SETX: variants seen among roughly 807,000 people sequenced by gnomAD.
The protein encoded by SETX is senataxin, also known as helicase senataxin.
SETX carries 90 observed loss-of-function variants against 227.2 expected under a neutral mutation model. That is an observed-to-expected ratio of 0.40 (90% CI 0.33 to 0.47). The LOEUF (loss-of-function observed/expected upper bound fraction) is 0.47, where lower values mean the gene tolerates loss of function less well. Among genes scored for constraint, SETX ranks in the 20% least tolerant of loss-of-function variants. SETX has a pLI of 0.91. For missense variants in SETX, 3,052 were observed against 3,181.5 expected (o/e 0.96, Z 0.98); for synonymous variants, 1,210 against 1,113.2 (o/e 1.09, Z -1.73).
Position 132,330,022 on chromosome 9 carries a change from T to C in SETX, c.1576A>G (p.Met526Val), listed in dbSNP as rs762013471. The C allele has an allele frequency of 1.2e-6, 2 of 1,614,232 alleles. No individual in the cohort carries two copies. The highest frequency in any genetic ancestry group is 2.2e-5 in the East Asian group (1 of 44,892). ...AMISSLSLHS[M>V]PSNSVQLAYV... The stretch of plus-strand genomic sequence containing the variant: ...GCAAGTTGTACAGAGTTAGATGGCA[T>C]GGAATGCAATGACAGTGAAGATATC... Residue 526 changes from methionine (M) to valine (V), a missense_variant, in exon 10 of 26, where the codon ATG becomes GTG. Met to Val is a conservative substitution (Grantham distance 21). Around this residue, in one of 10 missense-constraint regions of SETX, gnomAD observed 179 missense variants for 197.1 expected, o/e 0.91. Coordinates refer to ENST00000224140, the MANE Select transcript of SETX (RefSeq NM_015046.7).
At position 132,296,935 on chromosome 9, in the gene SETX, T is replaced by G. The variant is rs780717865; in HGVS notation, c.5901A>C (p.Thr1967=). Residue 1967 remains threonine (T), a synonymous_variant, in exon 14 of 26, where the codon ACA becomes ACC. Coordinates refer to ENST00000224140, the MANE Select transcript of SETX (RefSeq NM_015046.7). ...GGCCAACAATAGTTTTTGATTTTCC[T>G]GTTCCAGGTGGTCCATGAATCAAGC... The part of the protein sequence containing the change: ...KICLIHGPPG[T]GKSKTIVGLL... 3.1e-6 allele frequency: 5 copies of G among 1,614,202 alleles called. No homozygotes were observed. In the South Asian group the frequency reaches 5.5e-5, roughly 18 times the overall value.
Position 132,312,493 on chromosome 9 carries a change from A to C in SETX, c.5275-637T>G, listed in dbSNP as rs573703781. ...CAAATATATTACCTTTTGGGCCCTA[A>C]GGAGGGTTTTGTCTAAATGTAACAG... On this transcript the variant is annotated intron_variant, in intron 10 of 25. Coordinates refer to ENST00000224140, the MANE Select transcript of SETX (RefSeq NM_015046.7). Among the ~76,000 whole-genome samples the C allele has an allele frequency of 6.6e-5, 10 of 152,348 alleles. No individual in the cohort carries two copies. In the South Asian group the frequency reaches 1.4e-3, roughly 22 times the overall value.
intron 6 of SETX, among the ~76,000 whole-genome samples, chr9:132,335,955 T>G (rs780370503): frequency 2.6e-5 from 4 of 152,128 alleles, no homozygotes; most frequent in Non-Finnish European, 5.9e-5. Context: ...TCATAGGAAC[T>G]ACAGGGCCGG....
intron 3 of SETX, among the ~76,000 whole-genome samples, chr9:132,348,067 A>C (rs1848388581): frequency 6.6e-6 from 1 of 151,856 alleles, no homozygotes; most frequent in Non-Finnish European, 1.5e-5. Flanking sequence ...AATTAAAAAA[A>C]AAAAACCCTG....
chr9:132,267,298 T>C (rs901261851), intron 25 of SETX, among the ~76,000 whole-genome samples: 2 of 152,206 alleles, frequency 1.3e-5, no homozygotes, highest in African/African-American at 4.8e-5. Context: ...GGGGGCTCAG[T>C]TCTCTTTCTC....
At chr9:132,349,175 A>G in intron 3 of SETX, 77 bp downstream of exon 3, 5 of 1,353,128 alleles carry the variant, frequency 3.7e-6, no homozygotes, top group Non-Finnish European at 5.3e-6. Flanking sequence ...TTCTCTGAAT[A>G]CTTCCAACGG....
rs1408316133 is a variant in SETX, at chr9:132,342,752, A to G, written c.436T>C (p.Ser146Pro). The G allele has an allele frequency of 9.9e-6, 16 of 1,614,130 alleles. No homozygotes were observed. The highest frequency in any genetic ancestry group is 1.3e-5 in the Non-Finnish European group (15 of 1,180,016). ...ALCRMEQANC[S>P]FQVFDKHPGI... ...GGATGTTTATCAAACACCTGAAAGG[A>G]GCAATTGGCTTGTTCCATCCGACAA... The change falls in exon 5 of 26, where the codon TCC becomes CCC. Residue 146 changes from serine to proline, a missense_variant. By Grantham distance (74) the Ser-to-Pro change is moderately conservative (BLOSUM62 -1). This residue lies in a region of SETX where 10 missense variants were observed against 31.4 expected (regional missense o/e 0.32). Transcript: ENST00000224140.
intron 3 of SETX, 87 bp from the exon 4 acceptor site, chr9:132,346,558 A>C: frequency 1.1e-6 from 1 of 932,362 alleles, no homozygotes; most frequent in South Asian, 1.4e-5. Context: ...GCCTTTTCCT[A>C]AGTACAAAAA....
At chr9:132,334,818 A>T (rs1286699463) in intron 6 of SETX, 91 bp from the exon 7 acceptor site, 1 of 1,358,558 alleles carries the variant, frequency 7.4e-7, no homozygotes, top group Non-Finnish European at 1.0e-6. Context: ...AGGCAGGAAG[A>T]TGAAGCAAGA....
At chr9:132,303,987 TG>T (rs1198853633) in intron 11 of SETX, among the ~76,000 whole-genome samples, 1 of 151,966 alleles carries the variant, frequency 6.6e-6, no homozygotes, top group East Asian at 1.9e-4. Context: ...TCAGGCATGG[TG>T]GGGCGCCTGT....
rs74975459 is a variant in SETX at position 132,263,390 on chromosome 9, C to A, written c.*849G>T. On this transcript the variant is annotated 3_prime_UTR_variant, in exon 26 of 26. Coordinates refer to ENST00000224140, the MANE Select transcript of SETX (RefSeq NM_015046.7). ...CCAGCGCTAATCTAGCATTTGGCAA[C>A]CAAATGTCTGTACCTCACCAGTCAC... The A allele has an allele frequency of 0.015, 2,334 of 152,306 alleles. 36 individuals are homozygous for A. Among genetic ancestry groups the A allele is most frequent in the Middle Eastern group, 0.037 (11 of 294 alleles). The allele number at this position is 152,306 out of a possible 1,614,324, so 9.4% of individuals were successfully genotyped here.
In SETX at chr9:132,298,067, C is replaced by A; in HGVS notation, c.5781+13G>T. Reference sequence around the variant, plus strand: ...TAACATGAAATTATCTAGTATCATACATCATCACTCACAATTCTCTCAGAT... The same window carrying A: ...TAACATGAAATTATCTAGTATCATAAATCATCACTCACAATTCTCTCAGAT... On this transcript the variant is annotated intron_variant, in intron 13 of 25. Coordinates refer to ENST00000224140, the MANE Select transcript of SETX (RefSeq NM_015046.7). 1 of 1,583,734 alleles carries A rather than the reference C, an allele frequency of 6.3e-7. No homozygotes were observed. Among genetic ancestry groups the A allele is most frequent in the Non-Finnish European group, 8.7e-7 (1 of 1,152,864 alleles).
intron 11 of SETX, among the ~76,000 whole-genome samples, chr9:132,307,123 T>C (rs530873169): frequency 5.9e-5 from 9 of 152,204 alleles, no homozygotes; most frequent in African/African-American, 2.2e-4. Context: ...GGTGTGGTGG[T>C]GAGCACCTGT....
chr9:132,282,401 A>C (rs910676064), intron 19 of SETX, among the ~76,000 whole-genome samples: 7 of 149,922 alleles, frequency 4.7e-5, no homozygotes, highest in African/African-American at 1.7e-4. Context: ...CAATCCTCCC[A>C]CCTCAGCCTC....
chr9:132,320,657 C>T (rs570928174), intron 10 of SETX, among the ~76,000 whole-genome samples: 115 of 150,550 alleles, frequency 7.6e-4, no homozygotes, highest in Non-Finnish European at 1.5e-3. Flanking sequence ...AATTATTGGC[C>T]TGTATAAACC....
At position 132,329,808 on chromosome 9, in the gene SETX, A is replaced by C; in HGVS notation, c.1790T>G (p.Phe597Cys). 3 of 1,613,990 alleles carry C rather than the reference A, an allele frequency of 1.9e-6. No homozygotes were observed. The highest frequency in any genetic ancestry group is 2.5e-6 in the Non-Finnish European group (3 of 1,179,968). ...CLKQIIRNIK[F>C]KAPPCNTFVD... ...AAAAGTGTTACATGGAGGTGCTTTG[A>C]ATTTTATGTTTCTAATAATTTGCTT... The change falls in exon 10 of 26, where the codon TTC becomes TGC. Residue 597 changes from phenylalanine to cysteine, a missense_variant. Coordinates refer to ENST00000224140, the MANE Select transcript of SETX (RefSeq NM_015046.7).
At chr9:132,330,616 A>T (rs1589748848) in intron 9 of SETX, 117 bp from the exon 10 acceptor site, 1 of 806,654 alleles carries the variant, frequency 1.2e-6, no homozygotes, top group East Asian at 2.6e-5. Flanking sequence ...TTACCACATC[A>T]TTATTATGCT....
chr9:132,346,777 C>A (rs1848316783), intron 3 of SETX, among the ~76,000 whole-genome samples: 1 of 121,480 alleles, frequency 8.2e-6, no homozygotes. Flanking sequence ...CAAAGCAAGA[C>A]CCTGTCACTA....
intron 11 of SETX, among the ~76,000 whole-genome samples, chr9:132,308,251 T>C (rs1175820847): frequency 2.6e-5 from 4 of 152,128 alleles, no homozygotes; most frequent in South Asian, 4.1e-4. Flanking sequence ...AACTATAAAA[T>C]AGTTTTGCCA....
Sources: gnomAD v4.1 joint callset for allele counts (sites outside exome capture counted in the v4.1 genomes callset) on GRCh38, gnomAD v4.1.1 for gene constraint, gnomAD v4.1.1 regional missense constraint, MANE v1.5 for transcripts, NCBI Gene and HGNC (gene_info 2026-07-23, HGNC 2026-07-21) for gene names.